SNTG1: variants seen among roughly 807,000 people sequenced by gnomAD.
The protein encoded by SNTG1 is gamma-1-syntrophin.
Under a neutral mutation model 74.7 loss-of-function variants are expected in SNTG1, and 39 were observed. That is an observed-to-expected ratio of 0.52 (90% CI 0.40 to 0.68). SNTG1 has a LOEUF of 0.68. Ranked by LOEUF, SNTG1 falls within the 30% of genes least tolerant of loss-of-function variation. The pLI, the probability that SNTG1 is intolerant of heterozygous loss-of-function variation, is 0.00. For missense variants in SNTG1, 685 were observed against 609.5 expected (o/e 1.12, Z -1.30); for synonymous variants, 254 against 217.1 (o/e 1.17, Z -1.49).
intron 2 of SNTG1, among the ~76,000 whole-genome samples, chr8:50,198,271 G>T (rs1375935832): frequency 6.6e-6 from 1 of 152,184 alleles, no homozygotes; most frequent in Middle Eastern, 3.2e-3. Context: ...CGGCTCTGAA[G>T]GTGGCAGTGG....
intron 1 of SNTG1, among the ~76,000 whole-genome samples, chr8:50,041,898 A>T (rs530046584): frequency 2.0e-5 from 3 of 152,334 alleles, no homozygotes; most frequent in African/African-American, 7.2e-5. Context: ...TACAAAATTC[A>T]CAGCTGCACC....
intron 8 of SNTG1, among the ~76,000 whole-genome samples, chr8:50,501,814 T>A (rs2093960638): frequency 6.6e-6 from 1 of 152,004 alleles, no homozygotes; most frequent in Admixed American, 6.6e-5. Flanking sequence ...AAGTAGCCAA[T>A]TCTTTAATTG....
intron 13 of SNTG1, among the ~76,000 whole-genome samples, chr8:50,630,701 C>T (rs891601256): frequency 1.3e-5 from 2 of 152,110 alleles, no homozygotes; most frequent in Non-Finnish European, 2.9e-5. Flanking sequence ...GTGATGAGAA[C>T]TGATGGAATT....
At chr8:50,156,423 G>T (rs1006310002) in intron 1 of SNTG1, among the ~76,000 whole-genome samples, 20 of 151,862 alleles carry the variant, frequency 1.3e-4, no homozygotes, top group African/African-American at 4.6e-4. Flanking sequence ...TACATAAAAG[G>T]ATAACACATG....
intron 13 of SNTG1, among the ~76,000 whole-genome samples, chr8:50,597,765 G>C (rs990113290): frequency 4.6e-5 from 7 of 151,838 alleles, no homozygotes; most frequent in African/African-American, 1.7e-4. Context: ...GAACTGGTGT[G>C]AGGTGATACC....
chr8:50,368,137 T>C (rs1292085170), intron 2 of SNTG1, among the ~76,000 whole-genome samples: 1 of 152,066 alleles, frequency 6.6e-6, no homozygotes, highest in African/African-American at 2.4e-5. Flanking sequence ...TTTGTGGAAA[T>C]ATAGACGTTA....
intron 8 of SNTG1, among the ~76,000 whole-genome samples, chr8:50,473,077 T>C (rs962764956): frequency 6.6e-6 from 1 of 152,106 alleles, no homozygotes; most frequent in African/African-American, 2.4e-5. Context: ...GTCCCCAACC[T>C]AATCTCATCT....
intron 18 of SNTG1, among the ~76,000 whole-genome samples, chr8:50,763,086 ACC>A (rs759941372): frequency 5.9e-5 from 9 of 151,740 alleles, no homozygotes; most frequent in Non-Finnish European, 1.2e-4. Context: ...CCACCTCAGC[ACC>A]GGTTTCTGCA....
chr8:50,651,799 G>C (rs987979603), intron 13 of SNTG1, among the ~76,000 whole-genome samples: 3 of 149,654 alleles, frequency 2.0e-5, no homozygotes, highest in Admixed American at 6.7e-5. Flanking sequence ...ATTTTTTTGA[G>C]ACAGAGTTTC....
intron 1 of SNTG1, chr8:49,914,892 T>G (rs1170034969): frequency 6.6e-6 from 1 of 152,198 alleles, no homozygotes; most frequent in Non-Finnish European, 1.5e-5. Flanking sequence ...TAATCTCACC[T>G]TCCCAGAAAT....
chr8:50,505,898 T>C (rs950634081), intron 9 of SNTG1, among the ~76,000 whole-genome samples: 6 of 152,102 alleles, frequency 3.9e-5, no homozygotes, highest in African/African-American at 1.4e-4. Context: ...CCTGTGTTTT[T>C]GGTGTCATAT....
At chr8:50,578,746 T>C (rs765331051) in intron 12 of SNTG1, among the ~76,000 whole-genome samples, 9 of 152,174 alleles carry the variant, frequency 5.9e-5, no homozygotes, top group Non-Finnish European at 8.8e-5. Flanking sequence ...TAAAGAAGGA[T>C]GTGTTTGCTT....
chr8:50,255,575 C>T (rs1232157386), intron 2 of SNTG1, among the ~76,000 whole-genome samples: 1 of 152,174 alleles, frequency 6.6e-6, no homozygotes, highest in Non-Finnish European at 1.5e-5. Flanking sequence ...CCTCTCATAG[C>T]TTCCGGTGGT....
At position 50,251,674 on chromosome 8, in the gene SNTG1, C is replaced by T. The variant is rs2086653831; in HGVS notation, c.-28+79039C>T. Among the ~76,000 whole-genome samples, 3 of 151,900 alleles carry T rather than the reference C, an allele frequency of 2.0e-5. No individual in the cohort carries two copies. The South Asian group carries it at 6.2e-4, about 32-fold the overall frequency. Reference sequence around the variant, plus strand: ...ACATAACTAACTCAACAAGAATTTACAACAATTATGAATATGTATGCACCC... The same window carrying T: ...ACATAACTAACTCAACAAGAATTTATAACAATTATGAATATGTATGCACCC... On this transcript the variant is annotated intron_variant, in intron 2 of 18. Transcript: ENST00000642720.
intron 17 of SNTG1, among the ~76,000 whole-genome samples, chr8:50,728,000 T>C (rs2095504243): frequency 6.6e-6 from 1 of 152,188 alleles, no homozygotes; most frequent in Non-Finnish European, 1.5e-5. Flanking sequence ...CCGTGGCTTA[T>C]GGCCTCCACT....
intron 1 of SNTG1, among the ~76,000 whole-genome samples, chr8:49,984,564 T>A (rs902476000): frequency 6.6e-6 from 1 of 152,206 alleles, no homozygotes; most frequent in Non-Finnish European, 1.5e-5. Context: ...GATATAAAAT[T>A]TTCCTTAATG....
intron 17 of SNTG1, chr8:50,747,841 T>G (rs545917181): frequency 1.2e-4 from 18 of 152,074 alleles, no homozygotes; most frequent in Admixed American, 5.2e-4. Context: ...CTCAGGTGAT[T>G]CTCCCATCTC....
chr8:50,653,548 C>T (rs2095161746), intron 13 of SNTG1, among the ~76,000 whole-genome samples: 1 of 152,162 alleles, frequency 6.6e-6, no homozygotes, highest in Non-Finnish European at 1.5e-5. Flanking sequence ...ATTTTTCCGC[C>T]ACATTTGTTT....
rs116794555 is a variant in SNTG1, at chr8:50,314,898, A to G, written c.-27-79314A>G. Among the ~76,000 whole-genome samples, 910 of 149,646 alleles carry G rather than the reference A, an allele frequency of 6.1e-3. 70 individuals carry two copies. Among genetic ancestry groups the G allele is most frequent in the African/African-American group, 0.022 (876 of 40,118 alleles). On this transcript the variant is annotated intron_variant, in intron 2 of 18. Coordinates refer to ENST00000642720, the MANE Select transcript of SNTG1 (RefSeq NM_018967.5). The stretch of plus-strand genomic sequence containing the variant: ...TAAGCACTGGTGAACTTTTCTGTCT[A>G]CTAGGTGATCATTACCTTGAGAGCA...
Sources: gnomAD v4.1 joint callset for allele counts (sites outside exome capture counted in the v4.1 genomes callset) on GRCh38, gnomAD v4.1.1 for gene constraint, MANE v1.5 for transcripts, NCBI Gene and HGNC (gene_info 2026-07-23, HGNC 2026-07-21) for gene names.